The following CEP170 variants were observed in gnomAD, a reference collection of about 807,000 sequenced individuals.
CEP170 encodes centrosomal protein 170, also known as centrosomal protein of 170 kDa.
CEP170 carries 21 observed loss-of-function variants against 151.9 expected under a neutral mutation model. The observed-to-expected ratio is 0.14, with a 90% CI of 0.10 to 0.20. CEP170 has a LOEUF of 0.20. CEP170 is among the 10% of genes least tolerant of loss of function. CEP170 has a pLI of 1.00. For synonymous variants in CEP170, 356 were observed against 648.8 expected, an observed-to-expected ratio of 0.55 and a Z score of 6.86; for missense variants, 964 against 1,892.9, an observed-to-expected ratio of 0.51 and a Z score of 9.11.
At chr1:243,230,654 A>G (rs1385001514) in intron 1 of CEP170, among the ~76,000 whole-genome samples, 1 of 152,170 alleles carries the variant, frequency 6.6e-6, no homozygotes, top group Admixed American at 6.5e-5. Flanking sequence ...TATGAGGAGG[A>G]GTTAGAAAGG....
At position 243,240,687 on chromosome 1, in the gene CEP170, C is replaced by A. The variant is rs186706476; in HGVS notation, c.-42+14353G>T. On this transcript the variant is annotated intron_variant, in intron 1 of 19. Transcript: ENST00000366542. ...ATTTCACTGTGCACAGATTAAGATG[C>A]ACTTATTTATTCATTTATTTTTGAG... Among the ~76,000 whole-genome samples, 3 of 149,036 alleles carry A rather than the reference C, an allele frequency of 2.0e-5. No individual in the cohort carries two copies. In the East Asian group the frequency reaches 5.9e-4, roughly 29 times the overall value.
chr1:243,130,030 A>G (rs2054211990), intron 17 of CEP170, among the ~76,000 whole-genome samples: 1 of 152,198 alleles, frequency 6.6e-6, no homozygotes, highest in Admixed American at 6.5e-5. Flanking sequence ...ACAGTATATT[A>G]GGTTTTAGAA....
intron 4 of CEP170, among the ~76,000 whole-genome samples, chr1:243,210,017 A>G (rs1281264606): frequency 1.3e-5 from 2 of 152,270 alleles, no homozygotes; most frequent in African/African-American, 4.8e-5. Flanking sequence ...TAAAATAATA[A>G]AATTATATGT....
chr1:243,151,118 A>G (rs2057030544), intron 14 of CEP170, among the ~76,000 whole-genome samples: 1 of 152,244 alleles, frequency 6.6e-6, no homozygotes, highest in African/African-American at 2.4e-5. Context: ...AATGACTACA[A>G]CGATGAGTCT....
At chr1:243,148,539 A>G (rs1005127757) in intron 14 of CEP170, among the ~76,000 whole-genome samples, 6 of 152,166 alleles carry the variant, frequency 3.9e-5, no homozygotes, top group Non-Finnish European at 8.8e-5. Flanking sequence ...GCGCCACTAC[A>G]CTTCAGCCTG....
chr1:243,157,158 C>A (rs2057639995), intron 13 of CEP170, among the ~76,000 whole-genome samples: 1 of 152,170 alleles, frequency 6.6e-6, no homozygotes, highest in Admixed American at 6.5e-5. Context: ...CTACAAAAAG[C>A]AAAACTGTAC....
At chr1:243,210,225 TTTC>T in intron 4 of CEP170, among the ~76,000 whole-genome samples, 1 of 152,270 alleles carries the variant, frequency 6.6e-6, no homozygotes, top group Middle Eastern at 3.4e-3. Context: ...TTCTCAATAG[TTTC>T]TTCTTGATAT....
chr1:243,184,360 C>CTA lies in CEP170; in HGVS notation c.1566+1418_1566+1419insTA, dbSNP rs1353873372. Among the ~76,000 whole-genome samples, 540 of 151,916 alleles carry CTA rather than the reference C, an allele frequency of 3.6e-3. 3 individuals carry two copies. The highest frequency in any genetic ancestry group is 0.014 in the Middle Eastern group (4 of 294). On this transcript the variant is annotated intron_variant, in intron 10 of 19. Transcript: ENST00000366542. ...TTCTTAAATTGCACTCTCTCTCTCTCTCTATATATATATACATATAAAATC... is the reference window on the plus strand; with the variant it reads ...TTCTTAAATTGCACTCTCTCTCTCTCTATCTATATATATATACATATAAAATC...
At position 243,165,966 on chromosome 1, in the gene CEP170, T is replaced by G. The variant is rs1339894590; in HGVS notation, c.1994A>C (p.Gln665Pro). The G allele has an allele frequency of 3.1e-6, 5 of 1,613,728 alleles. No individual in the cohort carries two copies. Among genetic ancestry groups the G allele is most frequent in the Non-Finnish European group, 4.2e-6 (5 of 1,179,708 alleles). Residue 665 changes from glutamine (Q) to proline (P), a missense_variant, in exon 13 of 20, where the codon CAG becomes CCG. Physicochemically the swap from Gln to Pro is moderately conservative, Grantham distance 76 (BLOSUM62 -1). Coordinates refer to ENST00000366542, the MANE Select transcript of CEP170 (RefSeq NM_014812.3). ...LESHRAKVVT[Q>P]RSEIGEKQDT... ...TTGTTTTTCTCCTATCTCTGACCTC[T>G]GTGTTACAACCTTTGCTCTGTGGCT...
intron 1 of CEP170, among the ~76,000 whole-genome samples, chr1:243,241,229 C>T (rs1014088722): frequency 5.3e-5 from 8 of 152,174 alleles, no homozygotes; most frequent in African/African-American, 1.7e-4. Context: ...TCGGTTCAGA[C>T]CAAGTGTTGC....
At chr1:243,231,187 C>CATT (rs772214722) in intron 1 of CEP170, among the ~76,000 whole-genome samples, 16 of 127,426 alleles carry the variant, frequency 1.3e-4, no homozygotes, top group African/African-American at 4.6e-4. Flanking sequence ...TCATCATCAT[C>CATT]ATCATTATTA....
chr1:243,161,382 T>C (rs2058055270), intron 13 of CEP170, among the ~76,000 whole-genome samples: 1 of 151,822 alleles, frequency 6.6e-6, no homozygotes, highest in African/African-American at 2.4e-5. Context: ...AAATTGCAAA[T>C]TACATCAGAG....
At chr1:243,186,447 A>C (rs1185930574) in intron 8 of CEP170, 25 bp from the exon 9 acceptor site, 4 of 1,562,900 alleles carry the variant, frequency 2.6e-6, no homozygotes, top group Non-Finnish European at 3.4e-6. Flanking sequence ...AAAACACACA[A>C]TAGAGAAGGA....
intron 3 of CEP170, among the ~76,000 whole-genome samples, chr1:243,214,690 C>T (rs1398283980): frequency 1.3e-5 from 2 of 152,080 alleles, no homozygotes; most frequent in African/African-American, 4.8e-5. Flanking sequence ...CTGGAATCAA[C>T]ATTTATAAGA....
At chr1:243,243,345 G>A (rs1208953114) in intron 1 of CEP170, among the ~76,000 whole-genome samples, 1 of 152,170 alleles carries the variant, frequency 6.6e-6, no homozygotes, top group East Asian at 1.9e-4. Flanking sequence ...GACAGTGGAA[G>A]TGGAATGTAG....
intron 8 of CEP170, among the ~76,000 whole-genome samples, chr1:243,189,753 C>T (rs2060187541): frequency 6.6e-6 from 1 of 151,702 alleles, no homozygotes; most frequent in Admixed American, 6.6e-5. Flanking sequence ...GTTCAGCTAC[C>T]TCTTATACTG....
In CEP170 at chr1:243,205,074, G is replaced by A. The variant is rs575756321; in HGVS notation, c.275-4239C>T. On this transcript the variant is annotated intron_variant, in intron 4 of 19. Coordinates refer to ENST00000366542, the MANE Select transcript of CEP170 (RefSeq NM_014812.3). Reference sequence around the variant, plus strand: ...GAAAGTTTCTAGGTCACACTGTGAGGAAGAATAATCCAGACAGAGCCTGGC... The same window carrying A: ...GAAAGTTTCTAGGTCACACTGTGAGAAAGAATAATCCAGACAGAGCCTGGC... Among the ~76,000 whole-genome samples the A allele has an allele frequency of 3.7e-4, 56 of 152,300 alleles. No individual in the cohort carries two copies. The South Asian group carries it at 5.0e-3, about 14-fold the overall frequency.
intron 12 of CEP170, chr1:243,169,239 A>C (rs1437724594): frequency 6.5e-6 from 1 of 154,408 alleles, no homozygotes; most frequent in Non-Finnish European, 1.4e-5. Context: ...TTTACAACTA[A>C]AATGAAAAGT....
At chr1:243,176,770 G>A in intron 10 of CEP170, 1 of 372,146 alleles carries the variant, frequency 2.7e-6, no homozygotes. Context: ...TTGCTTTTGA[G>A]GAGGTTACGT....
Sources: allele counts gnomAD v4.1 joint callset (sites outside exome capture counted in the v4.1 genomes callset), GRCh38; gene constraint gnomAD v4.1.1; transcripts MANE v1.5; gene names NCBI Gene and HGNC (gene_info 2026-07-23, HGNC 2026-07-21).